The following FBN3 variants were observed in gnomAD, a reference collection of about 807,000 sequenced individuals.
The protein encoded by FBN3 is fibrillin-3.
A neutral mutation model predicts 330.1 loss-of-function variants in FBN3; 234 were observed. That is an observed-to-expected ratio of 0.71 (90% CI 0.64 to 0.79). The LOEUF (loss-of-function observed/expected upper bound fraction) is 0.79, where lower values mean the gene tolerates loss of function less well. Among genes scored for constraint, FBN3 ranks in the 30% least tolerant of loss-of-function variants. The pLI, the probability that FBN3 is intolerant of heterozygous loss-of-function variation, is 0.00. For missense variants in FBN3, 3,606 were observed against 3,886.9 expected (o/e 0.93, Z 1.92); for synonymous variants, 1,458 against 1,517.3 (o/e 0.96, Z 0.91).
In FBN3 at chr19:8,081,338, G is replaced by A; in HGVS notation, c.7336+20C>T. 1 of 1,584,042 alleles carries A rather than the reference G, an allele frequency of 6.3e-7. No individual in the cohort carries two copies. Among genetic ancestry groups the A allele is most frequent in the Non-Finnish European group, 8.6e-7 (1 of 1,165,454 alleles). The stretch of plus-strand genomic sequence containing the variant: ...ACTGCATGCAGTGGTGGGAGTGGGG[G>A]AGAGTTGAAAGGACATCACCTTTGC... On this transcript the variant is annotated intron_variant, in intron 58 of 63. Transcript: ENST00000600128.
In FBN3 at chr19:8,076,247, C is replaced by CGTGTGTGTGTGTGTGT. The variant is rs34549426; in HGVS notation, c.7454-852_7454-837dup. On this transcript the variant is annotated intron_variant, in intron 59 of 63. Transcript: ENST00000600128. Reference sequence around the variant, plus strand: ...AACCAGTGTATGGGTTGTCCGTGTGCGTGTGTGTGTGTGTGTGTGTGTGTG... The same window carrying CGTGTGTGTGTGTGTGT: ...AACCAGTGTATGGGTTGTCCGTGTGCGTGTGTGTGTGTGTGTGTGTGTGTGTGTGTGTGTGTGTGTG... 7.3e-3 allele frequency among the ~76,000 whole-genome samples: 1,076 copies of CGTGTGTGTGTGTGTGT among 147,738 alleles called. 4 individuals are homozygous for CGTGTGTGTGTGTGTGT. Among genetic ancestry groups the CGTGTGTGTGTGTGTGT allele is most frequent in the Admixed American group, 0.011 (170 of 14,826 alleles).
At chr19:8,066,380 G>C in intron 63 of FBN3, 120 bp from the exon 64 acceptor site, 2 of 756,636 alleles carry the variant, frequency 2.6e-6, no homozygotes, top group Admixed American at 6.1e-5. Context: ...GTGAAGGAAA[G>C]AGCCATAAAA....
At position 8,124,015 on chromosome 19, in the gene FBN3, G is replaced by C. The variant is rs750313447; in HGVS notation, c.2732-7C>G. The C allele has an allele frequency of 6.2e-7, 1 of 1,609,744 alleles. No individual in the cohort carries two copies. The highest frequency in any genetic ancestry group is 1.7e-5 in the Admixed American group (1 of 59,562). On this transcript the variant is annotated splice_region_variant and splice_polypyrimidine_tract_variant and intron_variant, in intron 22 of 63. Transcript: ENST00000600128. ...CATGGTTCCAATCTCACATCTGCAC[G>C]GGGGACAGTCACTGCGTCCCCACCC...
chr19:8,065,775 C>A lies in FBN3; in HGVS notation c.*144G>T, dbSNP rs1264144823. 5 of 739,854 alleles carry A rather than the reference C, an allele frequency of 6.8e-6. No homozygotes were observed. Among genetic ancestry groups the A allele is most frequent in the Non-Finnish European group, 1.1e-5 (5 of 466,572 alleles). 45.8% of individuals were successfully genotyped at this position (739,854 alleles called of 1,614,324 possible). ...CACAGAGGCCCAGGCAGAGGCCGGG[C>A]TTGCCTGAGGTTGTCGTGTAGCATT... On this transcript the variant is annotated 3_prime_UTR_variant, in exon 64 of 64. Coordinates refer to ENST00000600128, the MANE Select transcript of FBN3 (RefSeq NM_032447.5).
intron 8 of FBN3, among the ~76,000 whole-genome samples, chr19:8,141,071 T>C (rs1161207303): frequency 2.0e-5 from 3 of 150,878 alleles, no homozygotes; most frequent in Non-Finnish European, 4.4e-5. Context: ...AGCGGGCGCC[T>C]GTAGTCCCAG....
intron 52 of FBN3, 34 bp downstream of exon 52, chr19:8,088,026 A>G: frequency 6.2e-7 from 1 of 1,614,092 alleles, no homozygotes; most frequent in Non-Finnish European, 8.5e-7. Flanking sequence ...CATCTCCGTC[A>G]CACGGCCCAG....
intron 59 of FBN3, among the ~76,000 whole-genome samples, chr19:8,076,247 CGTGTGTGTGTGTGT>C (rs34549426): frequency 4.7e-5 from 7 of 147,646 alleles, no homozygotes; most frequent in Non-Finnish European, 1.0e-4. Flanking sequence ...TGTCCGTGTG[CGTGTGTGTGTGTGT>C]GTGTGTGTGT....
In FBN3 at chr19:8,091,071, C is replaced by A. The variant is rs1183547715; in HGVS notation, c.6031+394G>T. ...CTGCTCTCACCCTTATTGCCCCTGA[C>A]CTGTGAGAGAACAGGCTGGCTCAAG... On this transcript the variant is annotated intron_variant, in intron 48 of 63. Transcript: ENST00000600128. 2.6e-5 allele frequency among the ~76,000 whole-genome samples: 4 copies of A among 152,152 alleles called. No individual in the cohort carries two copies. The East Asian group carries it at 5.8e-4, about 22-fold the overall frequency.
chr19:8,068,369 C>T (rs1402230787), intron 63 of FBN3, among the ~76,000 whole-genome samples: 21 of 142,564 alleles, frequency 1.5e-4, no homozygotes, highest in Admixed American at 3.6e-4. Context: ...CCAGCCTGGG[C>T]GACAGAGCAA....
chr19:8,086,180 G>A lies in FBN3; in HGVS notation c.6880+20C>T, dbSNP rs2081953035. On this transcript the variant is annotated intron_variant, in intron 55 of 63. Transcript: ENST00000600128. ...CATGGTAGGTGGTTGCAACCACTGT[G>A]CGTGTCCAGCCACACTCACCGTGGC... The A allele has an allele frequency of 3.8e-6, 6 of 1,598,972 alleles. No individual in the cohort carries two copies. The African/African-American group carries it at 6.8e-5, about 18-fold the overall frequency.
At position 8,089,611 on chromosome 19, in the gene FBN3, C is replaced by T. The variant is rs180743425; in HGVS notation, c.6310G>A (p.Asp2104Asn). The change falls in exon 51 of 64, where the codon GAT becomes AAT. Residue 2104 changes from aspartate (D) to asparagine (N), a missense_variant. By Grantham distance (23) the Asp-to-Asn change is conservative (BLOSUM62 1). Transcript: ENST00000600128. The stretch of plus-strand genomic sequence containing the variant: ...GGACACTCACAGCGGAAGGATCCAT[C>T]GGTGTTGACACAGACGCCGTTAGTG... ...VCTNGVCVNT[D>N]GSFRCECPFG... The T allele has an allele frequency of 2.8e-5, 46 of 1,614,100 alleles. No homozygotes were observed. Among genetic ancestry groups the T allele is most frequent in the Non-Finnish European group, 3.6e-5 (42 of 1,180,050 alleles).
At position 8,138,221 on chromosome 19, in the gene FBN3, G is replaced by A. The variant is rs142847357; in HGVS notation, c.1121C>T (p.Pro374Leu). 4 of 1,612,290 alleles carry A rather than the reference G, an allele frequency of 2.5e-6. No homozygotes were observed. The highest frequency in any genetic ancestry group is 2.2e-5 in the East Asian group (1 of 44,880). ...GGGGTTGAGTCGCGCTGGCCCAAGA[G>A]GGGGACCCATGCCATTGGATCCGAA... is the stretch of plus-strand genomic sequence containing the variant. ...LGFGSNGMGP[P>L]LGPARLNPHG... is the part of the protein sequence containing the mutation. The change falls in exon 10 of 64, where the codon CCT becomes CTT. Residue 374 changes from proline to leucine, a missense_variant. Transcript: ENST00000600128.
chr19:8,074,028 G>A (rs181667048), intron 61 of FBN3, among the ~76,000 whole-genome samples: 5 of 152,252 alleles, frequency 3.3e-5, no homozygotes, highest in Admixed American at 3.3e-4. Flanking sequence ...GGGGTAAAAT[G>A]GTCCTCTGTT....
At position 8,136,053 on chromosome 19, in the gene FBN3, CA is replaced by C; in HGVS notation, c.1498del (p.Cys500ValfsTer84). 6.2e-7 allele frequency: 1 copy of C among 1,613,608 alleles called. No individual in the cohort carries two copies. The highest frequency in any genetic ancestry group is 8.5e-7 in the Non-Finnish European group (1 of 1,179,894). ...TGTGTTGACACAGCGGCCCAGGTGA[CA>C]AAGGCCACCACTGACAATGCACTCG... ...VDECIVSGGL[C>X]HLGRCVNTEG... On this transcript the variant is annotated frameshift_variant, in exon 13 of 64. Transcript: ENST00000600128. LOFTEE classifies it high-confidence loss of function.
intron 47 of FBN3, 145 bp from the exon 48 acceptor site, chr19:8,091,735 G>C (rs1448487151): frequency 4.9e-6 from 4 of 822,122 alleles, no homozygotes; most frequent in South Asian, 1.7e-5. Flanking sequence ...CTCAGTATGA[G>C]CTTCAGCACG....
intron 57 of FBN3, among the ~76,000 whole-genome samples, chr19:8,082,773 C>T (rs934335621): frequency 6.6e-6 from 1 of 151,680 alleles, no homozygotes; most frequent in South Asian, 2.1e-4. Context: ...GGATTACAAG[C>T]ATGAGCTACT....
At chr19:8,113,556 C>G (rs1377947117) in intron 30 of FBN3, among the ~76,000 whole-genome samples, 2 of 151,964 alleles carry the variant, frequency 1.3e-5, no homozygotes, top group African/African-American at 4.8e-5. Flanking sequence ...AAAATTAGCC[C>G]AGCTTGGTGG....
At chr19:8,087,008 A>G in intron 54 of FBN3, 69 bp downstream of exon 54, 1 of 1,550,022 alleles carries the variant, frequency 6.5e-7, no homozygotes, top group Non-Finnish European at 8.6e-7. Flanking sequence ...GCCCGGTCCA[A>G]CCCTCTTGCT....
At chr19:8,135,936 GC>G in intron 13 of FBN3, 24 bp downstream of exon 13, 6 of 668,760 alleles carry the variant, frequency 9.0e-6, no homozygotes, top group South Asian at 1.6e-5. Flanking sequence ...GGAAGCCCCT[GC>G]CCACCCGCCC....
Sources: gnomAD v4.1 joint callset for allele counts (sites outside exome capture counted in the v4.1 genomes callset) on GRCh38, gnomAD v4.1.1 for gene constraint, MANE v1.5 for transcripts, NCBI Gene and HGNC (gene_info 2026-07-23, HGNC 2026-07-21) for gene names.